RP1L1: variants seen among roughly 807,000 people sequenced by gnomAD.
RP1L1 encodes the protein RP1 like 1.
In RP1L1, 27 loss-of-function variants were observed where a neutral mutation model predicts 15.7. That is an observed-to-expected ratio of 1.72 (90% CI 1.27 to 2.38). The LOEUF (loss-of-function observed/expected upper bound fraction) is 2.38, where lower values mean the gene tolerates loss of function less well. Ranked by LOEUF, RP1L1 falls within the 30% of genes most tolerant of loss-of-function variation. The pLI, the probability that RP1L1 is intolerant of heterozygous loss-of-function variation, is 0.00. For missense variants in RP1L1, 4,798 were observed against 3,075.9 expected (o/e 1.56, Z -13.24); for synonymous variants, 1,813 against 1,276.7 (o/e 1.42, Z -8.96).
At chr8:10,613,451 C>T in intron 3 of RP1L1, 105 bp from the exon 4 acceptor site, 1 of 1,476,558 alleles carries the variant, frequency 6.8e-7, no homozygotes, top group Non-Finnish European at 9.2e-7. Context: ...ACGACCTCAG[C>T]ATCACCACTG....
chr8:10,614,801 G>C (rs1333629916), intron 3 of RP1L1, among the ~76,000 whole-genome samples: 2 of 152,020 alleles, frequency 1.3e-5, no homozygotes, highest in Non-Finnish European at 2.9e-5. Flanking sequence ...GGAAGGGATA[G>C]CATTAGGAGA....
At chr8:10,634,143 G>A (rs2117246684) in intron 1 of RP1L1, among the ~76,000 whole-genome samples, 1 of 152,248 alleles carries the variant, frequency 6.6e-6, no homozygotes, top group East Asian at 1.9e-4. Flanking sequence ...GCATAACATG[G>A]TACAGTTATC....
Position 10,613,605 on chromosome 8 carries a change from A to C in RP1L1, c.752-259T>G, listed in dbSNP as rs1319657457. On this transcript the variant is annotated intron_variant, in intron 3 of 3. Transcript: ENST00000382483. ...TTAGTGAGACACCATCTCTCCAAAAAAAAAAAAAAAAAAAAAAAAGTAAAG... is the reference window on the plus strand; with the variant it reads ...TTAGTGAGACACCATCTCTCCAAAACAAAAAAAAAAAAAAAAAAAGTAAAG... Among the ~76,000 whole-genome samples the C allele has an allele frequency of 5.5e-4, 74 of 134,942 alleles. 1 individual carries two copies. The highest frequency in any genetic ancestry group is 2.4e-3 in the African/African-American group (66 of 27,270). 88.5% of individuals were successfully genotyped at this position (134,942 alleles called of 152,430 possible).
At chr8:10,631,624 T>G (rs1585989941) in intron 1 of RP1L1, among the ~76,000 whole-genome samples, 1 of 152,306 alleles carries the variant, frequency 6.6e-6, no homozygotes, top group East Asian at 1.9e-4. Flanking sequence ...TTGGCAAAGT[T>G]CCACGGTTTG....
At position 10,609,435 on chromosome 8, in the gene RP1L1, G is replaced by T. The variant is rs992073335; in HGVS notation, c.4663C>A (p.Gln1555Lys). 1.7e-5 allele frequency: 28 copies of T among 1,612,254 alleles called. No individual in the cohort carries two copies. Among genetic ancestry groups the T allele is most frequent in the Middle Eastern group, 3.3e-4 (2 of 6,084 alleles). ...WGLQDNDLLDQMAAELQQDVA... is the reference protein window; with the variant it reads ...WGLQDNDLLDKMAAELQQDVA... ...TCCTGCTGCAGCTCGGCCGCCATCT[G>T]GTCCAGCAGATCATTGTCCTGCAGG... Residue 1555 changes from glutamine (Q) to lysine (K), a missense_variant, in exon 4 of 4, where the codon CAG becomes AAG. Physicochemically the swap from Gln to Lys is moderately conservative, Grantham distance 53 (BLOSUM62 1). Transcript: ENST00000382483.
Position 10,612,614 on chromosome 8 carries a change from G to A in RP1L1, c.1484C>T (p.Ala495Val), listed in dbSNP as rs1227519713. Residue 495 changes from alanine (A) to valine (V), a missense_variant, in exon 4 of 4, where the codon GCT becomes GTT. Transcript: ENST00000382483. The stretch of plus-strand genomic sequence containing the variant: ...GGGGTCCTCACCCAGGCTCCCTCCA[G>A]CTTTCCGCTCAGCCCCTATCTGGGC... ...PSAQIGAERK[A>V]GGSLGEDPGL... is the part of the protein sequence containing the mutation. The A allele has an allele frequency of 2.5e-5, 40 of 1,602,920 alleles. No individual in the cohort carries two copies. Among genetic ancestry groups the A allele is most frequent in the Non-Finnish European group, 3.3e-5 (39 of 1,179,470 alleles).
rs545410248 is a variant in RP1L1, at chr8:10,627,829, A to T, written c.-19-4609T>A. 5.9e-5 allele frequency among the ~76,000 whole-genome samples: 9 copies of T among 152,206 alleles called. No homozygotes were observed. The East Asian group carries it at 1.7e-3, about 30-fold the overall frequency. ...CTGGCGCCCCAGGTTCTGGGCAGTA[A>T]ATTCAGATGGAGAGTAACAGAGCAA... On this transcript the variant is annotated intron_variant, in intron 1 of 3. Coordinates refer to ENST00000382483, the MANE Select transcript of RP1L1 (RefSeq NM_178857.6).
chr8:10,654,633 C>T (rs749531209), intron 1 of RP1L1, among the ~76,000 whole-genome samples: 16 of 152,216 alleles, frequency 1.1e-4, no homozygotes, highest in Non-Finnish European at 1.5e-5. Flanking sequence ...AACAGACAGG[C>T]TGTGATACTA....
intron 1 of RP1L1, among the ~76,000 whole-genome samples, chr8:10,625,793 C>T (rs183052271): frequency 2.0e-5 from 3 of 152,084 alleles, no homozygotes; most frequent in African/African-American, 7.2e-5. Flanking sequence ...TCTCAGTGAG[C>T]ACAGAGACCG....
chr8:10,613,704 G>A (rs1335884643), intron 3 of RP1L1, among the ~76,000 whole-genome samples: 1 of 151,358 alleles, frequency 6.6e-6, no homozygotes, highest in Non-Finnish European at 1.5e-5. Flanking sequence ...TGAGGCAGGA[G>A]AATCCCCTGA....
At position 10,617,999 on chromosome 8, in the gene RP1L1, C is replaced by G. The variant is rs186664897; in HGVS notation, c.610-1412G>C. 2.5e-3 allele frequency among the ~76,000 whole-genome samples: 379 copies of G among 152,270 alleles called. 7 individuals are homozygous for G. Among genetic ancestry groups the G allele is most frequent in the Non-Finnish European group, 4.0e-4 (27 of 68,028 alleles). ...TGTTTATGTGGCACATGCTAGTCCACGGTAATGCCACTAACTCAAAAGCAT... is the reference window on the plus strand; with the variant it reads ...TGTTTATGTGGCACATGCTAGTCCAGGGTAATGCCACTAACTCAAAAGCAT... On this transcript the variant is annotated intron_variant, in intron 2 of 3. Coordinates refer to ENST00000382483, the MANE Select transcript of RP1L1 (RefSeq NM_178857.6).
rs1797875081 is a variant in RP1L1 at position 10,612,211 on chromosome 8, GGAA to G, written c.1884_1886del (p.Ser629del). On this transcript the variant is annotated inframe_deletion, in exon 4 of 4. Coordinates refer to ENST00000382483, the MANE Select transcript of RP1L1 (RefSeq NM_178857.6). The stretch of plus-strand genomic sequence containing the variant: ...GCCCCTGCTGGGATGAAGTGCAGGT[GGAA>G]GGGGTGGAAGAGGCTCCTTCCGAGT... 1 of 1,613,132 alleles carries G rather than the reference GGAA, an allele frequency of 6.2e-7. No homozygotes were observed. The highest frequency in any genetic ancestry group is 1.3e-5 in the African/African-American group (1 of 74,942).
In RP1L1 at chr8:10,607,956, C is replaced by T; in HGVS notation, c.6142G>A (p.Ala2048Thr). The change falls in exon 4 of 4, where the codon GCC (alanine) becomes ACC (threonine). Residue 2048 changes from alanine to threonine, a missense_variant. Physicochemically the swap from Ala to Thr is moderately conservative, Grantham distance 58 (BLOSUM62 0). Transcript: ENST00000382483. ...TCTACACCGTCTGACTCTGGCTGGG[C>T]ATCCCCTTCTGTCTTCTGGGTCTCC... The part of the protein sequence containing the change: ...EGETQKTEGD[A>T]QPESDGVEAP... 6.2e-7 allele frequency: 1 copy of T among 1,613,078 alleles called. No homozygotes were observed. Among genetic ancestry groups the T allele is most frequent in the Middle Eastern group, 1.7e-4 (1 of 6,058 alleles).
At chr8:10,645,590 G>A (rs1268528519) in intron 1 of RP1L1, among the ~76,000 whole-genome samples, 2 of 152,092 alleles carry the variant, frequency 1.3e-5, no homozygotes, top group Non-Finnish European at 2.9e-5. Flanking sequence ...AAGAACCCCA[G>A]GTAACTCGGA....
At chr8:10,638,774 A>G (rs973329832) in intron 1 of RP1L1, among the ~76,000 whole-genome samples, 1 of 151,994 alleles carries the variant, frequency 6.6e-6, no homozygotes, top group Non-Finnish European at 1.5e-5. Context: ...GATAAAACCC[A>G]TTTGCTGCCC....
chr8:10,609,272 C>T lies in RP1L1; in HGVS notation c.4826G>A (p.Arg1609His), dbSNP rs559915808. The change falls in exon 4 of 4, where the codon CGT becomes CAT. Residue 1609 changes from arginine to histidine, a missense_variant. Transcript: ENST00000382483. ...CGAGAGGTTTCGCAGGCCCCGGAGA[C>T]GGTGTCTGCGCTGCTGGGTCTGCAG... ...LLLQTQQRRH[R>H]LRGLRNLSAF... 9.1e-5 allele frequency: 146 copies of T among 1,609,600 alleles called. 1 individual carries two copies. The South Asian group carries it at 1.2e-3, about 13-fold the overall frequency.
chr8:10,621,647 G>C, intron 2 of RP1L1: 1 of 458,782 alleles, frequency 2.2e-6, no homozygotes, highest in South Asian at 1.5e-5. Context: ...ATGAAGTATT[G>C]GTGGAATGGT....
intron 1 of RP1L1, among the ~76,000 whole-genome samples, chr8:10,644,822 G>A (rs994013380): frequency 6.6e-6 from 1 of 152,154 alleles, no homozygotes; most frequent in Non-Finnish European, 1.5e-5. Flanking sequence ...TTCCTATGGG[G>A]CTCTAATGTA....
chr8:10,640,227 G>A (rs1423890410), intron 1 of RP1L1, among the ~76,000 whole-genome samples: 1 of 152,210 alleles, frequency 6.6e-6, no homozygotes, highest in Non-Finnish European at 1.5e-5. Context: ...ATGCTCTTCT[G>A]ACAGTCAGGC....
Sources: allele counts gnomAD v4.1 joint callset (sites outside exome capture counted in the v4.1 genomes callset), GRCh38; gene constraint gnomAD v4.1.1; transcripts MANE v1.5; gene names NCBI Gene and HGNC (gene_info 2026-07-23, HGNC 2026-07-21).